CACNA1H: variants seen among roughly 807,000 people sequenced by gnomAD.
CACNA1H encodes the protein calcium voltage-gated channel subunit alpha1 H.
Under a neutral mutation model 192.5 loss-of-function variants are expected in CACNA1H, and 149 were observed. That is an observed-to-expected ratio of 0.77 (90% CI 0.68 to 0.89). The LOEUF (loss-of-function observed/expected upper bound fraction) is 0.89. Among genes scored for constraint, CACNA1H ranks in the 40% least tolerant of loss-of-function variants. CACNA1H has a pLI of 0.00. For synonymous variants in CACNA1H, 2,202 were observed against 1,475.2 expected (o/e 1.49, Z -11.29); for missense variants, 4,257 against 3,423.5 (o/e 1.24, Z -6.08).
chr16:1,171,498 T>C (rs1234087512), intron 2 of CACNA1H, among the ~76,000 whole-genome samples: 1 of 152,192 alleles, frequency 6.6e-6, no homozygotes, highest in Admixed American at 6.5e-5. Context: ...GGGAAGCTTC[T>C]GGAAACAAAG....
chr16:1,202,178 C>T lies in CACNA1H; in HGVS notation c.1728C>T (p.Tyr576=), dbSNP rs1309052050. The T allele has an allele frequency of 2.6e-6, 4 of 1,552,506 alleles. No homozygotes were observed. The highest frequency in any genetic ancestry group is 3.9e-5 in the Admixed American group (2 of 51,344). Residue 576 remains tyrosine (Y), a synonymous_variant, in exon 9 of 35, where the codon TAC becomes TAT. Transcript: ENST00000348261. ...ACGCAGAGTCTGTGCACAGCATCTA[C>T]CATGCCGACTGCCACATAGAGGGGC... The part of the protein sequence containing the change: ...PPDAESVHSI[Y]HADCHIEGPQ...
chr16:1,162,697 C>G (rs1252625817), intron 2 of CACNA1H, among the ~76,000 whole-genome samples: 2 of 149,706 alleles, frequency 1.3e-5, no homozygotes, highest in Non-Finnish European at 2.9e-5. Context: ...GTGAAGGGGT[C>G]TGGGGGCCGC....
At chr16:1,172,952 A>T (rs1359947338) in intron 2 of CACNA1H, among the ~76,000 whole-genome samples, 1 of 151,040 alleles carries the variant, frequency 6.6e-6, no homozygotes, top group Non-Finnish European at 1.5e-5. Context: ...GGCCCCAGGG[A>T]CACCAGGTCC....
rs182753781 is a variant in CACNA1H, at chr16:1,174,120, C to T, written c.299+20084C>T. 3.5e-3 allele frequency among the ~76,000 whole-genome samples: 534 copies of T among 152,324 alleles called. 6 individuals carry two copies. The highest frequency in any genetic ancestry group is 0.026 in the South Asian group (124 of 4,826). ...ACAGTCCATGCAGCTCTGAGACCCA[C>T]CACAGAGCCGTGGCCCCTCAGATGA... On this transcript the variant is annotated intron_variant, in intron 2 of 34. Transcript: ENST00000348261.
chr16:1,201,080 G>A (rs549657736), intron 8 of CACNA1H, among the ~76,000 whole-genome samples: 10 of 152,108 alleles, frequency 6.6e-5, no homozygotes, highest in Non-Finnish European at 1.2e-4. Flanking sequence ...TCCCAGCACC[G>A]CTTTCCACGG....
rs748801082 is a variant in CACNA1H, at chr16:1,206,301, C to A, written c.2789+12C>A. ...ATTTTCATCTTCAGGTGGGCGCAAC[C>A]CCCCTCCCGGCCCGCCCAGTGTCTC... On this transcript the variant is annotated intron_variant, in intron 12 of 34. Transcript: ENST00000348261. The A allele has an allele frequency of 2.6e-6, 4 of 1,548,690 alleles. No individual in the cohort carries two copies. Among genetic ancestry groups the A allele is most frequent in the East Asian group, 2.4e-5 (1 of 41,060 alleles).
At chr16:1,172,851 G>A (rs901769616) in intron 2 of CACNA1H, among the ~76,000 whole-genome samples, 3 of 152,116 alleles carry the variant, frequency 2.0e-5, no homozygotes, top group African/African-American at 4.8e-5. Context: ...TTGCTCCTCC[G>A]AGGCGGGGCA....
intron 2 of CACNA1H, among the ~76,000 whole-genome samples, chr16:1,172,425 G>A (rs757776021): frequency 2.6e-5 from 4 of 152,026 alleles, no homozygotes; most frequent in African/African-American, 4.8e-5. Flanking sequence ...CGGTGGCAGC[G>A]CGGCTGCCCT....
rs1182423726 is a variant in CACNA1H at position 1,219,074 on chromosome 16, C to T, written c.5992C>T (p.Leu1998=). The T allele has an allele frequency of 1.9e-6, 3 of 1,549,718 alleles. No homozygotes were observed. The highest frequency in any genetic ancestry group is 2.7e-5 in the African/African-American group (2 of 73,172). ...PARSGEPLHA[L]SPRGTARSPS... is the part of the protein sequence containing the mutation. ...CAGGAGCGGCGAGCCCCTCCACGCC[C>T]TGTCCCCTCGGGGCACAGCCCGCTC... The change falls in exon 34 of 35, where the codon CTG becomes TTG. Residue 1998 remains leucine, a synonymous_variant. Transcript: ENST00000348261.
chr16:1,212,377 G>A (rs1969556613), intron 25 of CACNA1H, 134 bp from the exon 26 acceptor site: 3 of 1,060,440 alleles, frequency 2.8e-6, no homozygotes, highest in South Asian at 3.1e-5. Context: ...CAAGAGGCAG[G>A]TTCCCCACCG....
chr16:1,165,179 G>A (rs913042331), intron 2 of CACNA1H, among the ~76,000 whole-genome samples: 1 of 152,138 alleles, frequency 6.6e-6, no homozygotes, highest in African/African-American at 2.4e-5. Context: ...ACCGTGGCGC[G>A]ATTGCTGGGG....
chr16:1,174,048 C>G (rs892117444), intron 2 of CACNA1H, among the ~76,000 whole-genome samples: 1 of 152,234 alleles, frequency 6.6e-6, no homozygotes, highest in Non-Finnish European at 1.5e-5. Context: ...TTGACCTGTG[C>G]ATACAGTGGG....
In CACNA1H at chr16:1,195,289, C is replaced by G; in HGVS notation, c.412-143C>G. The G allele has an allele frequency of 1.2e-5, 13 of 1,079,354 alleles. No individual in the cohort carries two copies. The South Asian group carries it at 1.4e-4, about 12-fold the overall frequency. The allele number at this position is 1,079,354 out of a possible 1,614,324, so 66.9% of individuals were successfully genotyped here. A position where few individuals can be genotyped will look rare whatever the true frequency, so the allele number is the denominator to read the frequency against. ...AGGCGAGGTTCAAGGCGAGGCAGGGCTCAGTTCCTGGGGCTCAGGGCGGGG... is the reference window on the plus strand; with the variant it reads ...AGGCGAGGTTCAAGGCGAGGCAGGGGTCAGTTCCTGGGGCTCAGGGCGGGG... On this transcript the variant is annotated intron_variant, in intron 3 of 34. Transcript: ENST00000348261.
rs543889283 is a variant in CACNA1H at position 1,201,643 on chromosome 16, C to A, written c.1213-20C>A. On this transcript the variant is annotated intron_variant, in intron 8 of 34. Transcript: ENST00000348261. ...AGACTCGCTCACTCACTGCCACTTA[C>A]CCGCCCGCCCCCGTCACAGGTGGGC... The A allele has an allele frequency of 1.6e-5, 25 of 1,551,016 alleles. No homozygotes were observed. In the East Asian group the frequency reaches 2.8e-4, roughly 17 times the overall value.
rs1175410177 is a variant in CACNA1H, at chr16:1,195,579, G to A, written c.545+14G>A. The A allele has an allele frequency of 6.9e-6, 11 of 1,584,454 alleles. No individual in the cohort carries two copies. The highest frequency in any genetic ancestry group is 5.8e-5 in the South Asian group (5 of 86,548). ...CGTCGTGGCGGGGTAGGCCCCGCCT[G>A]GGAGAGGCCACAGCGCTGGCGAAGG... On this transcript the variant is annotated intron_variant, in intron 4 of 34. Transcript: ENST00000348261.
Position 1,199,856 on chromosome 16 carries a change from C to T in CACNA1H, c.804-400C>T, listed in dbSNP as rs149467182. On this transcript the variant is annotated intron_variant, in intron 6 of 34. Coordinates refer to ENST00000348261, the MANE Select transcript of CACNA1H (RefSeq NM_021098.3). ...CCCTCCCCTCGTCCCTTGCCCTTTG[C>T]CCCTCATCCGCTTCCAGGAGTTGCT... is the stretch of plus-strand genomic sequence containing the variant. Among the ~76,000 whole-genome samples the T allele has an allele frequency of 1.1e-3, 173 of 152,236 alleles. 3 individuals carry two copies. Among genetic ancestry groups the T allele is most frequent in the Non-Finnish European group, 1.3e-3 (91 of 68,002 alleles).
In CACNA1H at chr16:1,200,545, G is replaced by A. The variant is rs757422637; in HGVS notation, c.1093G>A (p.Gly365Ser). 5.6e-6 allele frequency: 9 copies of A among 1,612,186 alleles called. No individual in the cohort carries two copies. The highest frequency in any genetic ancestry group is 1.7e-4 in the Middle Eastern group (1 of 6,060). Residue 365 changes from glycine (G) to serine (S), a missense_variant, in exon 7 of 35, where the codon GGC (glycine) becomes AGC (serine). Coordinates refer to ENST00000348261, the MANE Select transcript of CACNA1H (RefSeq NM_021098.3). ...HNGAINFDNI[G>S]YAWIAIFQVI... Reference sequence around the variant, plus strand: ...CGGTGCCATCAACTTCGACAACATCGGCTACGCCTGGATTGCCATCTTCCA... The same window carrying A: ...CGGTGCCATCAACTTCGACAACATCAGCTACGCCTGGATTGCCATCTTCCA...
At chr16:1,210,679 G>A (rs1269014111) in intron 20 of CACNA1H, 28 bp downstream of exon 20, 3 of 1,596,076 alleles carry the variant, frequency 1.9e-6, no homozygotes, top group Non-Finnish European at 1.7e-6. Flanking sequence ...GACTGCCCTT[G>A]TTCCCAGGTC....
intron 30 of CACNA1H, among the ~76,000 whole-genome samples, chr16:1,216,297 C>T (rs1422934164): frequency 6.6e-6 from 1 of 152,252 alleles, no homozygotes; most frequent in Non-Finnish European, 1.5e-5. Flanking sequence ...TAGCTTCGTC[C>T]AAGTAACACT....
Sources: allele counts gnomAD v4.1 joint callset (sites outside exome capture counted in the v4.1 genomes callset), GRCh38; gene constraint gnomAD v4.1.1; transcripts MANE v1.5; gene names NCBI Gene and HGNC (gene_info 2026-07-23, HGNC 2026-07-21).